Variants in ABCA6 observed in about 807,000 individuals in gnomAD.
ABCA6 encodes the protein ATP-binding cassette sub-family A member 6.
Under a neutral mutation model 191.2 loss-of-function variants are expected in ABCA6, and 164 were observed. The observed-to-expected ratio is 0.86, with a 90% confidence interval of 0.76 to 0.98. ABCA6 has a LOEUF of 0.98. Among genes scored for constraint, ABCA6 ranks in the 50% least tolerant of loss-of-function variants. The pLI is 0.00. For missense variants in ABCA6, 1,958 were observed against 1,894.1 expected (o/e 1.03, Z -0.63); for synonymous variants, 636 against 647.7 (o/e 0.98, Z 0.27).
chr17:69,112,100 C>A, intron 16 of ABCA6, 83 bp downstream of exon 16: 1 of 1,012,796 alleles, frequency 9.9e-7, no homozygotes, highest in Non-Finnish European at 1.6e-6. Flanking sequence ...AAGCACGAGG[C>A]CAGTTCTGTT....
intron 10 of ABCA6, among the ~76,000 whole-genome samples, chr17:69,122,924 T>A (rs976862822): frequency 4.6e-5 from 7 of 151,238 alleles, no homozygotes; most frequent in African/African-American, 1.7e-4. Flanking sequence ...TAATAATTCT[T>A]TAGCCTTATG....
chr17:69,095,880 C>G (rs2073034659), intron 25 of ABCA6, among the ~76,000 whole-genome samples: 2 of 151,974 alleles, frequency 1.3e-5, no homozygotes. Flanking sequence ...CTATTAGCAG[C>G]TAAGGTTAAG....
chr17:69,136,091 C>T lies in ABCA6; in HGVS notation c.460+1G>A. ...TAATGATATTTGATATGGAAAGTCA[C>T]CTGAGAAATCTTCTTTCCAAAGTGG... On this transcript the variant is annotated splice_donor_variant, in intron 4 of 38. Coordinates refer to ENST00000284425, the MANE Select transcript of ABCA6 (RefSeq NM_080284.3). LOFTEE classifies it high-confidence loss of function. 1.2e-6 allele frequency: 2 copies of T among 1,608,808 alleles called. No individual in the cohort carries two copies. Among genetic ancestry groups the T allele is most frequent in the Non-Finnish European group, 1.7e-6 (2 of 1,176,864 alleles).
At chr17:69,101,810 T>G (rs921483198) in intron 21 of ABCA6, among the ~76,000 whole-genome samples, 1 of 152,202 alleles carries the variant, frequency 6.6e-6, no homozygotes, top group African/African-American at 2.4e-5. Flanking sequence ...CTAGTTCATG[T>G]AGTAAATATG....
At chr17:69,081,607 G>A (rs767211345) in intron 36 of ABCA6, among the ~76,000 whole-genome samples, 1 of 152,052 alleles carries the variant, frequency 6.6e-6, no homozygotes, top group Non-Finnish European at 1.5e-5. Flanking sequence ...GTAAATTCAG[G>A]ACTATTTTGT....
chr17:69,137,565 T>C, intron 2 of ABCA6, 65 bp from the exon 3 acceptor site: 1 of 1,454,258 alleles, frequency 6.9e-7, no homozygotes, highest in Non-Finnish European at 9.4e-7. Flanking sequence ...TCTCAGTTAA[T>C]ACAAAATACT....
intron 3 of ABCA6, among the ~76,000 whole-genome samples, 155 bp from the exon 4 acceptor site, chr17:69,136,405 A>AT (rs1369273193): frequency 7.9e-5 from 12 of 152,294 alleles, no homozygotes; most frequent in African/African-American, 2.9e-4. Flanking sequence ...AAGGGGGGAA[A>AT]TTTAATGGTT....
rs375653230 is a variant in ABCA6, at chr17:69,096,348, T to A, written c.3300A>T (p.Ile1100=). 3.5e-6 allele frequency: 5 copies of A among 1,432,852 alleles called. No homozygotes were observed. The Admixed American group carries it at 9.6e-5, about 27-fold the overall frequency. 88.8% of individuals were successfully genotyped at this position (1,432,852 alleles called of 1,614,324 possible). A position where few individuals can be genotyped will look rare whatever the true frequency, so the allele number is the denominator to read the frequency against. ...ITSQIVFALV[I]VTPGYAASLV... The stretch of plus-strand genomic sequence containing the variant: ...GAGAAGCTGCATAACCAGGAGTAAC[T>A]ATAACCTGAGCATAAAAGAAATAAT... Residue 1100 remains isoleucine, a synonymous_variant, in exon 25 of 39, where the codon ATA becomes ATT. Coordinates refer to ENST00000284425, the MANE Select transcript of ABCA6 (RefSeq NM_080284.3).
intron 17 of ABCA6, chr17:69,110,295 A>G: frequency 6.5e-6 from 1 of 154,538 alleles, no homozygotes; most frequent in Non-Finnish European, 1.4e-5. Context: ...ATTCACCTGT[A>G]CACGGTAAAT....
chr17:69,110,879 G>A lies in ABCA6; in HGVS notation c.2194C>T (p.Pro732Ser). 6.2e-7 allele frequency: 1 copy of A among 1,611,846 alleles called. No homozygotes were observed. The highest frequency in any genetic ancestry group is 1.1e-5 in the South Asian group (1 of 90,972). Residue 732 changes from proline (P) to serine (S), a missense_variant, in exon 17 of 39, where the codon CCC becomes TCC. By Grantham distance (74) the Pro-to-Ser change is moderately conservative. Transcript: ENST00000284425. ...QITSFITHHI[P>S]DAKLKTENKE... Reference sequence around the variant, plus strand: ...TTTTCTGTTTTTAATTTAGCATCGGGGATGTGATGAGTAATGAAGGATGTT... The same window carrying A: ...TTTTCTGTTTTTAATTTAGCATCGGAGATGTGATGAGTAATGAAGGATGTT...
intron 20 of ABCA6, among the ~76,000 whole-genome samples, chr17:69,103,558 G>A (rs558580195): frequency 6.6e-6 from 1 of 152,192 alleles, no homozygotes; most frequent in South Asian, 2.1e-4. Context: ...AGATGAGAAC[G>A]TCTGACCGTG....
At chr17:69,121,334 T>C (rs925218659) in intron 10 of ABCA6, among the ~76,000 whole-genome samples, 1 of 152,082 alleles carries the variant, frequency 6.6e-6, no homozygotes, top group Non-Finnish European at 1.5e-5. Context: ...GCTTTAACAC[T>C]CAGTGAGTGT....
intron 34 of ABCA6, among the ~76,000 whole-genome samples, 187 bp from the exon 35 acceptor site, chr17:69,083,518 A>C (rs2072694245): frequency 6.6e-6 from 1 of 152,238 alleles, no homozygotes; most frequent in African/African-American, 2.4e-5. Flanking sequence ...ATCATATTGT[A>C]GTTGAGTTAT....
chr17:69,100,509 T>C (rs1464054455), intron 22 of ABCA6, among the ~76,000 whole-genome samples: 1 of 152,194 alleles, frequency 6.6e-6, no homozygotes, highest in Non-Finnish European at 1.5e-5. Context: ...TTTTCTTTTT[T>C]CTGTTTCTCT....
chr17:69,130,992 T>C lies in ABCA6; in HGVS notation c.792-1241A>G, dbSNP rs2073851866. ...TGCTAGTGTTGATATTTTTATGAAG[T>C]GGTTATTAAGAAAGAGTATTCAATC... On this transcript the variant is annotated intron_variant, in intron 6 of 38. Transcript: ENST00000284425. Among the ~76,000 whole-genome samples, 3 of 152,184 alleles carry C rather than the reference T, an allele frequency of 2.0e-5. No individual in the cohort carries two copies. The South Asian group carries it at 6.2e-4, about 31-fold the overall frequency.
At chr17:69,135,598 A>G (rs558674672) in intron 4 of ABCA6, 1 of 165,320 alleles carries the variant, frequency 6.0e-6, no homozygotes, top group South Asian at 2.0e-4. Context: ...GTCCTTTCTC[A>G]CCTCAGGGTC....
At chr17:69,129,846 C>T (rs1447032111) in intron 6 of ABCA6, 95 bp from the exon 7 acceptor site, 2 of 888,982 alleles carry the variant, frequency 2.2e-6, no homozygotes, top group Admixed American at 3.0e-5. Flanking sequence ...TAATGACTAC[C>T]CTTGTACCTT....
chr17:69,130,515 T>C (rs1207348882), intron 6 of ABCA6, among the ~76,000 whole-genome samples: 1 of 152,162 alleles, frequency 6.6e-6, no homozygotes, highest in Non-Finnish European at 1.5e-5. Context: ...TCAACAATAT[T>C]ATACACTGCT....
At chr17:69,121,543 G>A (rs2144690128) in intron 10 of ABCA6, among the ~76,000 whole-genome samples, 1 of 152,066 alleles carries the variant, frequency 6.6e-6, no homozygotes, top group South Asian at 2.1e-4. Flanking sequence ...CAAGTGACAG[G>A]TGTACCCAGT....
Sources: allele counts gnomAD v4.1 joint callset (sites outside exome capture counted in the v4.1 genomes callset), GRCh38; gene constraint gnomAD v4.1.1; transcripts MANE v1.5; gene names NCBI Gene and HGNC (gene_info 2026-07-23, HGNC 2026-07-21).